The following EIF3I variants were observed in gnomAD, a reference collection of about 807,000 sequenced individuals.
The protein encoded by EIF3I is eukaryotic translation initiation factor 3 subunit I.
A neutral mutation model predicts 43.3 loss-of-function variants in EIF3I; 20 were observed. The observed-to-expected ratio is 0.46, with a 90% confidence interval of 0.32 to 0.67. The LOEUF (loss-of-function observed/expected upper bound fraction) is 0.67, where lower values mean the gene tolerates loss of function less well. Among genes scored for constraint, EIF3I ranks in the 30% least tolerant of loss-of-function variants. The pLI, the probability that EIF3I is intolerant of heterozygous loss-of-function variation, is 0.03. For missense variants in EIF3I, 279 were observed against 421.4 expected, an observed-to-expected ratio of 0.66 and a Z score of 2.96; for synonymous variants, 167 against 151.7, an observed-to-expected ratio of 1.10 and a Z score of -0.74.
At chr1:32,222,432 C>G (rs763168942) in exon 1 of EIF3I, 1 of 1,597,332 alleles carries the variant, frequency 6.3e-7, no homozygotes, top group Non-Finnish European at 8.6e-7. Flanking sequence ...TTCCTCGCGT[C>G]ACAGCCGGGA....
intron 6 of EIF3I, among the ~76,000 whole-genome samples, chr1:32,227,438 T>C (rs968534098): frequency 2.6e-5 from 4 of 152,230 alleles, no homozygotes; most frequent in Admixed American, 2.0e-4. Flanking sequence ...TCAAATGATA[T>C]CACATGTTTG....
intron 4 of EIF3I, among the ~76,000 whole-genome samples, 183 bp downstream of exon 4, chr1:32,224,658 CT>C (rs58586351): frequency 0.011 from 1,471 of 136,304 alleles, 12 homozygotes; most frequent in African/African-American, 0.024. Flanking sequence ...ATTAAGTTTT[CT>C]TTTTTTTTTT....
rs768686866 is a variant in EIF3I at position 32,222,500 on chromosome 1, C to T, written c.4-38C>T. 3.1e-6 allele frequency: 5 copies of T among 1,613,524 alleles called. No homozygotes were observed. In the South Asian group the frequency reaches 5.5e-5, roughly 18 times the overall value. On this transcript the variant is annotated intron_variant, in intron 1 of 11. Transcript: ENST00000676679. ...GGGGTCCTGGGCTGAGGCTGGGGCC[C>T]AATTCCGAGCACTGACGTTACTGTC...
At chr1:32,229,568 TGA>T (rs1639202685) in intron 9 of EIF3I, among the ~76,000 whole-genome samples, 1 of 128,306 alleles carries the variant, frequency 7.8e-6, no homozygotes, top group African/African-American at 2.9e-5. Flanking sequence ...TTTTTTTTTT[TGA>T]CACGGAGTCT....
intron 3 of EIF3I, 102 bp from the exon 4 acceptor site, chr1:32,224,308 G>A: frequency 2.6e-6 from 3 of 1,163,998 alleles, no homozygotes; most frequent in Non-Finnish European, 3.9e-6. Context: ...GGTAAGAGGG[G>A]TAGAAAGGCT....
At chr1:32,222,419 G>C (rs1639023950) in exon 1 of EIF3I, 1 of 1,592,578 alleles carries the variant, frequency 6.3e-7, no homozygotes, top group African/African-American at 1.3e-5. Flanking sequence ...TCACGTTGCG[G>C]CCTTCCTCGC....
chr1:32,226,178 G>T, exon 5 of EIF3I: 1 of 1,614,138 alleles, frequency 6.2e-7, no homozygotes, highest in Non-Finnish European at 8.5e-7. Context: ...CAGGAAAGCA[G>T]CTGGCCCTTC....
At chr1:32,233,579 C>T (rs921550869), downstream of EIF3I, among the ~76,000 whole-genome samples, 8 of 152,170 alleles carry the variant, frequency 5.3e-5, no homozygotes, top group South Asian at 2.1e-4. Flanking sequence ...CGTGAGCCAC[C>T]GCGCCCGGCC....
chr1:32,232,586 A>C (rs1379233005), downstream of EIF3I, among the ~76,000 whole-genome samples: 16 of 152,210 alleles, frequency 1.1e-4, no homozygotes, highest in Non-Finnish European at 2.4e-4. Flanking sequence ...ATAGGTCTGG[A>C]CCCAGGAGCT....
At chr1:32,230,743 G>A (rs914583976) in intron 10 of EIF3I, among the ~76,000 whole-genome samples, 184 bp from the exon 10 acceptor site, 1 of 152,156 alleles carries the variant, frequency 6.6e-6, no homozygotes, top group African/African-American at 2.4e-5. Context: ...AGAATTGCTT[G>A]AACCCAGGAG....
chr1:32,225,837 C>T (rs1298844651), intron 4 of EIF3I, among the ~76,000 whole-genome samples: 10 of 151,682 alleles, frequency 6.6e-5, no homozygotes, highest in East Asian at 3.9e-4. Context: ...CTGGCTAACA[C>T]GGTGAAATCC....
intron 9 of EIF3I, among the ~76,000 whole-genome samples, chr1:32,229,491 G>C (rs183948892): frequency 6.7e-6 from 1 of 150,332 alleles, no homozygotes; most frequent in Non-Finnish European, 1.5e-5. Flanking sequence ...CTCGTGATAC[G>C]CCCGCCTCAG....
rs759710484 is a variant in EIF3I at position 32,222,602 on chromosome 1, A to G, written c.68A>G (p.Asp23Gly). 5 of 1,613,708 alleles carry G rather than the reference A, an allele frequency of 3.1e-6. No individual in the cohort carries two copies. In the African/African-American group the frequency reaches 6.7e-5, roughly 22 times the overall value. ...CAGATTAAGTATAACCGCGAAGGAG[A>G]CCTCCTCTTTACTGTGGCCAAGGAC... Residue 23 changes from aspartate to glycine, a missense_variant, in exon 2 of 12, where the codon GAC becomes GGC. Asp to Gly is a moderately conservative substitution (Grantham distance 94). Coordinates refer to ENST00000676679, the Ensembl canonical transcript of EIF3I.
At chr1:32,231,249 T>A (rs1039552160) in exon 12 of EIF3I, 3 of 1,557,510 alleles carry the variant, frequency 1.9e-6, no homozygotes, top group Non-Finnish European at 1.8e-6. Context: ...TCCCACCACT[T>A]TTTTTTTAAG....
At chr1:32,224,658 CTTTTTTT>C (rs58586351) in intron 4 of EIF3I, among the ~76,000 whole-genome samples, 183 bp downstream of exon 4, 3 of 136,346 alleles carry the variant, frequency 2.2e-5, no homozygotes, top group African/African-American at 5.4e-5. Context: ...ATTAAGTTTT[CTTTTTTT>C]TTTTTTTTTT....
In EIF3I at chr1:32,222,898, A is replaced by G. The variant is rs1032492757; in HGVS notation, c.96+268A>G. 5.9e-5 allele frequency among the ~76,000 whole-genome samples: 9 copies of G among 152,112 alleles called. No homozygotes were observed. In the East Asian group the frequency reaches 1.7e-3, roughly 29 times the overall value. ...GGTCGCTTGAGCCCAGGAGTTGGAG[A>G]CCAGCCTGAGCAACGTAGTAAGACC... On this transcript the variant is annotated intron_variant, in intron 2 of 11. Transcript: ENST00000676679.
chr1:32,223,837 A>C (rs1639087663), intron 2 of EIF3I, among the ~76,000 whole-genome samples, 197 bp from the exon 3 acceptor site: 1 of 151,778 alleles, frequency 6.6e-6, no homozygotes, highest in Admixed American at 6.6e-5. Flanking sequence ...AAGCCGCCTG[A>C]CTCCTCTGTT....
At chr1:32,224,332 C>G in intron 3 of EIF3I, 78 bp from the exon 4 acceptor site, 1 of 1,307,958 alleles carries the variant, frequency 7.6e-7, no homozygotes, top group South Asian at 1.2e-5. Flanking sequence ...TGGGGCTGAA[C>G]AGGGAGATGA....
At chr1:32,227,169 T>C (rs1325833903) in intron 6 of EIF3I, among the ~76,000 whole-genome samples, 1 of 150,682 alleles carries the variant, frequency 6.6e-6, no homozygotes, top group African/African-American at 2.4e-5. Flanking sequence ...TCCCAGTGCC[T>C]TTGGGGGCCA....
Sources: gnomAD v4.1 joint callset for allele counts (sites outside exome capture counted in the v4.1 genomes callset) on GRCh38, gnomAD v4.1.1 for gene constraint, MANE v1.5 for transcripts, NCBI Gene and HGNC (gene_info 2026-07-23, HGNC 2026-07-21) for gene names.